The following GRAMD4 variants were observed in gnomAD, a reference collection of about 807,000 sequenced individuals.
GRAMD4 encodes GRAM domain-containing protein 4.
In GRAMD4, 25 loss-of-function variants were observed where a neutral mutation model predicts 83.9. That is an observed-to-expected ratio of 0.30 (90% confidence interval 0.22 to 0.42). The LOEUF (loss-of-function observed/expected upper bound fraction) is 0.42, where lower values mean the gene tolerates loss of function less well. GRAMD4 is among the 10% of genes least tolerant of loss of function. The pLI is 1.00. For missense variants in GRAMD4, 593 were observed against 788.7 expected, an observed-to-expected ratio of 0.75 and a Z score of 2.97; for synonymous variants, 336 against 320.9, an observed-to-expected ratio of 1.05 and a Z score of -0.50.
chr22:46,674,563 C>T (rs114201571), intron 15 of GRAMD4, 94 bp from the exon 16 acceptor site: 13,801 of 899,456 alleles, frequency 0.015, 500 homozygotes, highest in Admixed American at 0.081. Context: ...GGGCGGATGT[C>T]AGGATCTGAG....
chr22:46,674,824 G>A (rs918484866), intron 16 of GRAMD4, 74 bp downstream of exon 16: 46 of 1,078,692 alleles, frequency 4.3e-5, no homozygotes, highest in East Asian at 7.1e-5. Context: ...CTGGGATGGC[G>A]TGGCTGGCCC....
chr22:46,612,085 C>G (rs1054464383), intron 1 of GRAMD4, among the ~76,000 whole-genome samples: 1 of 137,016 alleles, frequency 7.3e-6, no homozygotes, highest in Non-Finnish European at 1.6e-5. Flanking sequence ...CTCACTGCAG[C>G]CTTGAACTCC....
chr22:46,597,089 G>T (rs190765225), intron 1 of GRAMD4, among the ~76,000 whole-genome samples: 12 of 152,244 alleles, frequency 7.9e-5, no homozygotes, highest in Non-Finnish European at 1.8e-4. Flanking sequence ...GGGAATCGGC[G>T]GCCAGACCTT....
chr22:46,617,065 G>A (rs1175422370), upstream of GRAMD4, among the ~76,000 whole-genome samples: 269 of 103,918 alleles, frequency 2.6e-3, 1 homozygote, highest in East Asian at 9.8e-3. Flanking sequence ...CCCGTGTGTA[G>A]GTTCCCCTGT....
chr22:46,618,761 CAGAT>C (rs2147128809), upstream of GRAMD4, among the ~76,000 whole-genome samples: 2 of 135,636 alleles, frequency 1.5e-5, no homozygotes, highest in African/African-American at 6.4e-5. The surrounding 1 kb of genome is among the most constrained non-coding windows in gnomAD (Gnocchi z 5.8). Context: ...GAGAGGTGGA[CAGAT>C]GTGCAGCCCC....
intron 17 of GRAMD4, 113 bp downstream of exon 17, chr22:46,675,665 G>A (rs527850566): frequency 4.3e-5 from 32 of 748,476 alleles, no homozygotes; most frequent in East Asian, 2.0e-4. Flanking sequence ...TCTGGGCGCC[G>A]CGGCCACGCT....
chr22:46,677,240 G>T lies in GRAMD4; in HGVS notation c.1726G>T (p.Gly576Trp). ...IKITSAAASG[G>W]DS is the part of the protein sequence containing the mutation. ...GATCACCTCAGCGGCAGCGTCTGGC[G>T]GGGACAGCTAGTATTGACTTGCCCA... Residue 576 changes from glycine (G) to tryptophan (W), a missense_variant, in exon 19 of 19, where the codon GGG becomes TGG. This residue lies in a region of GRAMD4 where 74 missense variants were observed against 152.7 expected (regional missense o/e 0.48). Transcript: ENST00000406902. 6.2e-7 allele frequency: 1 copy of T among 1,612,932 alleles called. No homozygotes were observed. The highest frequency in any genetic ancestry group is 8.5e-7 in the Non-Finnish European group (1 of 1,179,592).
intron 1 of GRAMD4, among the ~76,000 whole-genome samples, chr22:46,590,901 A>G (rs929757389): frequency 6.6e-6 from 1 of 152,168 alleles, no homozygotes; most frequent in African/African-American, 2.4e-5. Flanking sequence ...TCTCTACTAA[A>G]AATACAAAAA....
At chr22:46,589,812 T>C (rs984501054) in intron 1 of GRAMD4, among the ~76,000 whole-genome samples, 4 of 152,156 alleles carry the variant, frequency 2.6e-5, no homozygotes, top group African/African-American at 4.8e-5. Context: ...TGAGGCCTGC[T>C]GCACTGCCAG....
intron 8 of GRAMD4, among the ~76,000 whole-genome samples, chr22:46,664,826 C>G (rs2147360403): frequency 6.6e-6 from 1 of 152,384 alleles, no homozygotes; most frequent in Non-Finnish European, 1.5e-5. Context: ...CAGCACTGCC[C>G]TGCTGAGCGG....
chr22:46,677,279 ATTTTCTTTTTCT>A lies in GRAMD4; in HGVS notation c.*45_*56del, dbSNP rs751076909. 9.4e-5 allele frequency: 147 copies of A among 1,569,382 alleles called. No homozygotes were observed. Among genetic ancestry groups the A allele is most frequent in the East Asian group, 2.0e-4 (9 of 44,612 alleles). On this transcript the variant is annotated 3_prime_UTR_variant, in exon 19 of 19. Transcript: ENST00000406902. ...TTGACTTGCCCAGGACGTTGCTGGA[ATTTTCTTTTTCT>A]TTTTCTTTTTCTTTTTTTTTTTTTA...
At chr22:46,658,638 C>T (rs1378046675) in intron 4 of GRAMD4, among the ~76,000 whole-genome samples, 2 of 152,160 alleles carry the variant, frequency 1.3e-5, no homozygotes, top group Non-Finnish European at 2.9e-5. Flanking sequence ...CCAGAGCCAC[C>T]TCATGGCTCT....
chr22:46,613,231 A>AT (rs1454124876), intron 1 of GRAMD4, among the ~76,000 whole-genome samples: 1 of 152,150 alleles, frequency 6.6e-6, no homozygotes, highest in East Asian at 1.9e-4. Context: ...GTCCTCTAAC[A>AT]GCCCTGAGCA....
chr22:46,668,561 A>T, intron 11 of GRAMD4, 128 bp from the exon 12 acceptor site: 1 of 871,300 alleles, frequency 1.1e-6, no homozygotes, highest in South Asian at 1.3e-5. Flanking sequence ...GCCTAGGAGC[A>T]GCCGGGCAGG....
upstream of GRAMD4, among the ~76,000 whole-genome samples, chr22:46,576,421 CT>C (rs1381431361): frequency 6.6e-6 from 1 of 152,140 alleles, no homozygotes; most frequent in African/African-American, 2.4e-5. Flanking sequence ...GATAGGTGGG[CT>C]TAGAGTGGGT....
At chr22:46,609,210 G>A (rs13055479) in intron 1 of GRAMD4, among the ~76,000 whole-genome samples, 5,208 of 152,234 alleles carry the variant, frequency 0.034, 148 homozygotes, top group Non-Finnish European at 0.054. Flanking sequence ...GCTGAGTGGC[G>A]CTGGTTGCTG....
chr22:46,630,301 C>T (rs2081748209), intron 2 of GRAMD4, among the ~76,000 whole-genome samples: 1 of 152,230 alleles, frequency 6.6e-6, no homozygotes, highest in African/African-American at 2.4e-5. Flanking sequence ...GCTGGGATTA[C>T]AGACGTGAGC....
At chr22:46,648,739 GATGGATGCATGGATGGATGGATGGATGC>G (rs2082111621) in intron 3 of GRAMD4, among the ~76,000 whole-genome samples, 2 of 143,284 alleles carry the variant, frequency 1.4e-5, no homozygotes, top group African/African-American at 5.5e-5. Flanking sequence ...TGGATGGATG[GATGGATGCATGGATGGATGGATGGATGC>G]ATGGATGGAT....
chr22:46,577,274 C>T, exon 1 of GRAMD4: 1 of 979,584 alleles, frequency 1.0e-6, no homozygotes, highest in Non-Finnish European at 1.2e-6. Context: ...GAGAGTTGGC[C>T]CCGATATCCG....
Sources: gnomAD v4.1 joint callset for allele counts (sites outside exome capture counted in the v4.1 genomes callset) on GRCh38, gnomAD v4.1.1 for gene constraint, gnomAD v4.1.1 regional missense constraint, Gnocchi (gnomAD v3.1) non-coding constraint, MANE v1.5 for transcripts, NCBI Gene and HGNC (gene_info 2026-07-23, HGNC 2026-07-21) for gene names.